Variants in TAB2 observed in about 807,000 individuals in gnomAD.
TAB2 encodes TGF-beta activated kinase 1 (MAP3K7) binding protein 2.
A neutral mutation model predicts 65.0 loss-of-function variants in TAB2; 3 were observed. The ratio of observed to expected loss-of-function variants is 0.05; its 90% CI spans 0.02 to 0.12. The LOEUF (loss-of-function observed/expected upper bound fraction) is 0.12, where lower values mean the gene tolerates loss of function less well. TAB2 is among the 10% of genes least tolerant of loss of function. The pLI, the probability that TAB2 is intolerant of heterozygous loss-of-function variation, is 1.00. For missense variants in TAB2, 623 were observed against 840.3 expected (o/e 0.74, Z 3.20); for synonymous variants, 298 against 285.1 (o/e 1.05, Z -0.46).
chr6:149,406,775 A>G (rs748888339), intron 6 of TAB2, among the ~76,000 whole-genome samples: 11 of 151,872 alleles, frequency 7.2e-5, no homozygotes, highest in Non-Finnish European at 1.0e-4. Flanking sequence ...CTGGAGTGCA[A>G]TGGCGCAATC....
At chr6:149,350,879 A>C (rs1244687388) in intron 1 of TAB2, among the ~76,000 whole-genome samples, 2 of 152,184 alleles carry the variant, frequency 1.3e-5, no homozygotes, top group Non-Finnish European at 2.9e-5. Context: ...GACATATATT[A>C]AAACCTTATT....
chr6:149,397,027 C>T (rs902779105), intron 3 of TAB2, among the ~76,000 whole-genome samples: 4 of 152,178 alleles, frequency 2.6e-5, no homozygotes, highest in Admixed American at 1.3e-4. Flanking sequence ...AGACGAAAAC[C>T]TTTAGAGAAG....
At chr6:149,294,039 G>A (rs969335009) in intron 1 of TAB2, among the ~76,000 whole-genome samples, 3 of 152,136 alleles carry the variant, frequency 2.0e-5, no homozygotes, top group Admixed American at 6.5e-5. Context: ...AAGAATTGCT[G>A]TATAAATCCA....
At chr6:149,342,420 A>G (rs1780158786) in intron 1 of TAB2, among the ~76,000 whole-genome samples, 1 of 152,174 alleles carries the variant, frequency 6.6e-6, no homozygotes, top group African/African-American at 2.4e-5. Flanking sequence ...GCTAAAAGCC[A>G]TTAGAGATTT....
chr6:149,262,050 T>C (rs1269714569), intron 1 of TAB2, among the ~76,000 whole-genome samples: 2 of 152,202 alleles, frequency 1.3e-5, no homozygotes, highest in Admixed American at 1.3e-4. Context: ...AATGACATGT[T>C]TACCAGGGAA....
intron 3 of TAB2, among the ~76,000 whole-genome samples, chr6:149,390,076 A>G (rs1421473472): frequency 6.6e-6 from 1 of 152,238 alleles, no homozygotes. Context: ...TTAAAGTTAT[A>G]ATTGCCATCT....
rs532809601 is a variant in TAB2 at position 149,254,630 on chromosome 6, C to T, written c.-121+35854C>T. Among the ~76,000 whole-genome samples the T allele has an allele frequency of 2.6e-5, 4 of 152,330 alleles. No homozygotes were observed. In the South Asian group the frequency reaches 8.3e-4, roughly 32 times the overall value. ...CCTGCATTCCAGATGGTGTCTCTTC[C>T]TCCCTCAATGTGACCATAATTATAC... On this transcript the variant is annotated intron_variant, in intron 1 of 1. Transcript: ENST00000606202.
intron 1 of TAB2, among the ~76,000 whole-genome samples, chr6:149,359,404 G>A (rs1006578360): frequency 7.2e-5 from 11 of 152,054 alleles, no homozygotes; most frequent in East Asian, 3.9e-4. Flanking sequence ...TGCATGGTGC[G>A]GGCTCGTGTC....
intron 1 of TAB2, among the ~76,000 whole-genome samples, chr6:149,357,876 T>C (rs961405907): frequency 3.3e-5 from 5 of 152,244 alleles, no homozygotes; most frequent in African/African-American, 1.2e-4. Flanking sequence ...ATTTTTTGTA[T>C]TTTTAGTAGA....
At chr6:149,267,149 G>A (rs1778278907) in intron 1 of TAB2, among the ~76,000 whole-genome samples, 1 of 152,130 alleles carries the variant, frequency 6.6e-6, no homozygotes, top group African/African-American at 2.4e-5. Context: ...GAGGAGAGAG[G>A]AGATTTGAGG....
At chr6:149,402,928 C>T (rs773390313) in intron 6 of TAB2, among the ~76,000 whole-genome samples, 2 of 152,016 alleles carry the variant, frequency 1.3e-5, no homozygotes, top group Non-Finnish European at 2.9e-5. Flanking sequence ...AAAAGTTCAG[C>T]ATTTATTCAT....
intron 1 of TAB2, among the ~76,000 whole-genome samples, chr6:149,228,288 C>T (rs1777326593): frequency 6.6e-6 from 1 of 152,182 alleles, no homozygotes; most frequent in Admixed American, 6.5e-5. Flanking sequence ...TCATTATTTG[C>T]AATGCGGCTA....
At chr6:149,374,124 A>G (rs1781323810) in intron 2 of TAB2, among the ~76,000 whole-genome samples, 1 of 152,168 alleles carries the variant, frequency 6.6e-6, no homozygotes, top group African/African-American at 2.4e-5. Context: ...AGTGAAAAGA[A>G]TTTTTTTATC....
intron 1 of TAB2, among the ~76,000 whole-genome samples, chr6:149,253,650 A>G (rs1262502673): frequency 7.0e-6 from 1 of 142,282 alleles, no homozygotes; most frequent in East Asian, 2.2e-4. Context: ...AAAGCCAGGC[A>G]TGATGGCTCA....
At chr6:149,261,254 T>C (rs1387273848) in intron 1 of TAB2, among the ~76,000 whole-genome samples, 1 of 152,208 alleles carries the variant, frequency 6.6e-6, no homozygotes. Context: ...CCAACATCTC[T>C]TCTATATAAA....
intron 2 of TAB2, among the ~76,000 whole-genome samples, chr6:149,370,892 C>T (rs900914715): frequency 6.6e-6 from 1 of 151,592 alleles, no homozygotes; most frequent in African/African-American, 2.4e-5. Flanking sequence ...ATGGCAAAAC[C>T]CTGTCTCTAC....
In TAB2 at chr6:149,346,243, A is replaced by G. The variant is rs569523916; in HGVS notation, c.-89-23666A>G. 1.2e-4 allele frequency among the ~76,000 whole-genome samples: 19 copies of G among 152,134 alleles called. No individual in the cohort carries two copies. In the East Asian group the frequency reaches 3.1e-3, roughly 25 times the overall value. On this transcript the variant is annotated intron_variant, in intron 1 of 6. Transcript: ENST00000637181. ...GTGAACTTATCATACTCCTAGTGCT[A>G]TTGTGCACACGCCCACGCATGCACG... is the stretch of plus-strand genomic sequence containing the variant.
chr6:149,386,470 A>G (rs1478570933), intron 3 of TAB2, among the ~76,000 whole-genome samples: 1 of 151,948 alleles, frequency 6.6e-6, no homozygotes, highest in Non-Finnish European at 1.5e-5. Flanking sequence ...ACCCTCACTC[A>G]GCACTAGGCA....
At chr6:149,273,706 A>C (rs1416256756) in intron 1 of TAB2, among the ~76,000 whole-genome samples, 1 of 152,230 alleles carries the variant, frequency 6.6e-6, no homozygotes, top group Non-Finnish European at 1.5e-5. Context: ...AGCTGTAACA[A>C]CCAACATGAG....
Sources: allele counts gnomAD v4.1 joint callset (sites outside exome capture counted in the v4.1 genomes callset), GRCh38; gene constraint gnomAD v4.1.1; transcripts MANE v1.5; gene names NCBI Gene and HGNC (gene_info 2026-07-23, HGNC 2026-07-21).